The following ZBTB16 variants were observed in gnomAD, a reference collection of about 807,000 sequenced individuals.
The protein encoded by ZBTB16 is zinc finger and BTB domain containing 16, also known as zinc finger and BTB domain-containing protein 16.
A neutral mutation model predicts 56.8 loss-of-function variants in ZBTB16; 8 were observed. That is an observed-to-expected ratio of 0.14 (90% CI 0.08 to 0.25). The LOEUF (loss-of-function observed/expected upper bound fraction) is 0.25, where lower values mean the gene tolerates loss of function less well. ZBTB16 is among the 10% of genes least tolerant of loss of function. The probability of loss-of-function intolerance (pLI) is 1.00; values close to 1 mark genes in which losing one functional copy is unlikely to be tolerated. For missense variants in ZBTB16, 625 were observed against 903.0 expected, an observed-to-expected ratio of 0.69 and a Z score of 3.95; for synonymous variants, 363 against 368.5, an observed-to-expected ratio of 0.98 and a Z score of 0.17.
chr11:114,140,641 C>T (rs1351836015), intron 2 of ZBTB16, among the ~76,000 whole-genome samples: 4 of 152,114 alleles, frequency 2.6e-5, no homozygotes, highest in Non-Finnish European at 5.9e-5. Flanking sequence ...TTGGAGGTAA[C>T]GAACAGAAGC....
chr11:114,190,738 C>T (rs202080596), intron 4 of ZBTB16, among the ~76,000 whole-genome samples: 36,289 of 142,284 alleles, frequency 0.26, 4,643 homozygotes, highest in Middle Eastern at 0.35. Context: ...CATACACACA[C>T]ACACACACAC....
chr11:114,119,547 G>T (rs937158263), intron 2 of ZBTB16, among the ~76,000 whole-genome samples: 1 of 152,120 alleles, frequency 6.6e-6, no homozygotes, highest in East Asian at 1.9e-4. Context: ...AGTACGACAG[G>T]TGCTGTGTTT....
At chr11:114,115,232 G>T (rs190433665) in intron 2 of ZBTB16, among the ~76,000 whole-genome samples, 2 of 152,158 alleles carry the variant, frequency 1.3e-5, no homozygotes, top group Non-Finnish European at 1.5e-5. Context: ...AGGTGAGCAG[G>T]GACGGTGTAT....
chr11:114,113,686 GAC>G (rs1165164139), intron 2 of ZBTB16, among the ~76,000 whole-genome samples: 2 of 152,182 alleles, frequency 1.3e-5, no homozygotes, highest in African/African-American at 4.8e-5. Flanking sequence ...AAAAAATAGA[GAC>G]ATTCTGTAAA....
chr11:114,077,827 A>T (rs1239311810), intron 2 of ZBTB16, among the ~76,000 whole-genome samples: 1 of 152,152 alleles, frequency 6.6e-6, no homozygotes, highest in Non-Finnish European at 1.5e-5. Context: ...TGTTCTCCTA[A>T]ATTCTGCTTT....
At chr11:114,152,338 G>C (rs144063694) in intron 2 of ZBTB16, among the ~76,000 whole-genome samples, 109 of 152,328 alleles carry the variant, frequency 7.2e-4, no homozygotes, top group African/African-American at 2.5e-3. Context: ...CTTGTATCTT[G>C]CTAGCTTCGT....
At chr11:114,091,151 C>A (rs529149827) in intron 2 of ZBTB16, among the ~76,000 whole-genome samples, 6 of 152,246 alleles carry the variant, frequency 3.9e-5, no homozygotes, top group African/African-American at 9.6e-5. Context: ...GAGTTGGAGA[C>A]CAGCTTGGGC....
intron 2 of ZBTB16, among the ~76,000 whole-genome samples, chr11:114,111,156 CGTGTGTGTGTGT>C (rs4020003): frequency 6.7e-6 from 1 of 148,848 alleles, no homozygotes; most frequent in Non-Finnish European, 1.5e-5. Flanking sequence ...ATCTGTGCTG[CGTGTGTGTGTGT>C]GTGTGTGTGT....
At chr11:114,105,242 CTCTT>C (rs1230459562) in intron 2 of ZBTB16, among the ~76,000 whole-genome samples, 1 of 148,072 alleles carries the variant, frequency 6.8e-6, no homozygotes, top group African/African-American at 2.6e-5. Flanking sequence ...CTCTCTCTCT[CTCTT>C]TTTTTTTTTT....
rs553950150 is a variant in ZBTB16, at chr11:114,064,696, C to T, written c.1268+128C>T. 1.3e-5 allele frequency: 16 copies of T among 1,251,378 alleles called. No homozygotes were observed. In the South Asian group the frequency reaches 1.3e-4, roughly 10 times the overall value. The allele number at this position is 1,251,378 out of a possible 1,614,324, so 77.5% of individuals were successfully genotyped here. On this transcript the variant is annotated intron_variant, in intron 2 of 6. Coordinates refer to ENST00000335953, the MANE Select transcript of ZBTB16 (RefSeq NM_006006.6). This position sits in a 1 kb window ranked among gnomAD's most constrained non-coding sequence, Gnocchi z 4.2. ...TTGGCAATTTGTGAAAAAACCAGAA[C>T]ACTTCTTCTAAAGTTCTGGCGGGGA...
chr11:114,095,887 A>G (rs558007936), intron 2 of ZBTB16, among the ~76,000 whole-genome samples: 9 of 152,224 alleles, frequency 5.9e-5, no homozygotes, highest in Non-Finnish European at 1.0e-4. Context: ...TTAACTTTTC[A>G]GGGTCCCCTA....
intron 3 of ZBTB16, among the ~76,000 whole-genome samples, chr11:114,156,672 A>G (rs1942421395): frequency 6.6e-6 from 1 of 152,192 alleles, no homozygotes; most frequent in African/African-American, 2.4e-5. Context: ...ATCAGTGGCA[A>G]CCAGTGCCCT....
At chr11:114,112,200 A>G (rs930938796) in intron 2 of ZBTB16, among the ~76,000 whole-genome samples, 5 of 152,212 alleles carry the variant, frequency 3.3e-5, no homozygotes, top group Non-Finnish European at 7.3e-5. Context: ...AGAAAAATGA[A>G]TCTTTTATCT....
intron 2 of ZBTB16, among the ~76,000 whole-genome samples, chr11:114,085,389 A>G (rs959788882): frequency 2.0e-5 from 3 of 152,240 alleles, no homozygotes; most frequent in African/African-American, 7.2e-5. Context: ...TTTACTGAGC[A>G]TCACTGTGTA....
At chr11:114,110,503 G>A (rs1220780781) in intron 2 of ZBTB16, among the ~76,000 whole-genome samples, 1 of 152,166 alleles carries the variant, frequency 6.6e-6, no homozygotes, top group Non-Finnish European at 1.5e-5. Flanking sequence ...CTGCTATGTT[G>A]GTTTCACTGA....
At chr11:114,074,765 A>C (rs1298183917) in intron 2 of ZBTB16, among the ~76,000 whole-genome samples, 2 of 152,238 alleles carry the variant, frequency 1.3e-5, no homozygotes, top group Non-Finnish European at 2.9e-5. Context: ...CTGTTCAGGA[A>C]ATGAATGTTG....
Position 114,251,990 on chromosome 11 carries a change from T to C in ZBTB16, c.*1435T>C, listed in dbSNP as rs911925384. On this transcript the variant is annotated 3_prime_UTR_variant, in exon 7 of 7. Coordinates refer to ENST00000335953, the MANE Select transcript of ZBTB16 (RefSeq NM_006006.6). ...TCTTGTGTAAATTAATAGTTGTTTTTATAGACTTCAGCTGGTCAAGACCCT... is the reference window on the plus strand; with the variant it reads ...TCTTGTGTAAATTAATAGTTGTTTTCATAGACTTCAGCTGGTCAAGACCCT... Among the ~76,000 whole-genome samples, 1 of 152,148 alleles carries C rather than the reference T, an allele frequency of 6.6e-6. No homozygotes were observed. The highest frequency in any genetic ancestry group is 2.4e-5 in the African/African-American group (1 of 41,424).
chr11:114,118,294 A>G (rs238902), intron 2 of ZBTB16, among the ~76,000 whole-genome samples: 78,582 of 151,854 alleles, frequency 0.52, 20,645 homozygotes, highest in East Asian at 0.63. Flanking sequence ...CTCCTGCCTC[A>G]GCCTCCCAAG....
rs1163072621 is a variant in ZBTB16, at chr11:114,143,844, G to T, written c.1269-12493G>T. Among the ~76,000 whole-genome samples, 1 of 152,170 alleles carries T rather than the reference G, an allele frequency of 6.6e-6. No homozygotes were observed. Among genetic ancestry groups the T allele is most frequent in the African/African-American group, 2.4e-5 (1 of 41,442 alleles). Reference sequence around the variant, plus strand: ...ATTACATAGCATGCAGTATGTTGTTGGGTATTGTGTTGCACCGTGAGACTG... The same window carrying T: ...ATTACATAGCATGCAGTATGTTGTTTGGTATTGTGTTGCACCGTGAGACTG... On this transcript the variant is annotated intron_variant, in intron 2 of 6. Transcript: ENST00000335953. This position sits in a 1 kb window ranked among gnomAD's most constrained non-coding sequence, Gnocchi z 6.4.
Sources: gnomAD v4.1 joint callset for allele counts (sites outside exome capture counted in the v4.1 genomes callset) on GRCh38, gnomAD v4.1.1 for gene constraint, Gnocchi (gnomAD v3.1) non-coding constraint, MANE v1.5 for transcripts, NCBI Gene and HGNC (gene_info 2026-07-23, HGNC 2026-07-21) for gene names.